Variants in GPD2 observed in about 807,000 individuals in gnomAD.
The protein encoded by GPD2 is glycerol-3-phosphate dehydrogenase, mitochondrial.
A neutral mutation model predicts 82.4 loss-of-function variants in GPD2; 54 were observed. The ratio of observed to expected loss-of-function variants is 0.66; its 90% CI spans 0.53 to 0.82. The LOEUF (loss-of-function observed/expected upper bound fraction) is 0.82. Among genes scored for constraint, GPD2 ranks in the 40% least tolerant of loss-of-function variants. GPD2 has a pLI of 0.00. For missense variants in GPD2, 748 were observed against 896.2 expected (o/e 0.83, Z 2.11); for synonymous variants, 288 against 306.1 (o/e 0.94, Z 0.62).
intron 3 of GPD2, among the ~76,000 whole-genome samples, chr2:156,509,765 C>CTTTTTTTTT (rs60361072): frequency 2.8e-3 from 326 of 117,352 alleles, no homozygotes; most frequent in Middle Eastern, 0.01. Flanking sequence ...ATATGTTCTT[C>CTTTTTTTTT]TTTTTTTTTT....
chr2:156,494,815 T>A (rs1281995923), intron 2 of GPD2, among the ~76,000 whole-genome samples: 1 of 152,200 alleles, frequency 6.6e-6, no homozygotes, highest in Admixed American at 6.5e-5. Flanking sequence ...TGCTGGCCAG[T>A]ACTGTTTGCT....
chr2:156,411,889 C>T, the GPD2 span, among the ~76,000 whole-genome samples: 1 of 152,018 alleles, frequency 6.6e-6, no homozygotes, highest in Non-Finnish European at 1.5e-5. Context: ...ATTCTTCCTA[C>T]ATAATCTTTC....
the GPD2 span, among the ~76,000 whole-genome samples, chr2:156,420,261 T>C: frequency 6.6e-6 from 1 of 152,120 alleles, no homozygotes; most frequent in Non-Finnish European, 1.5e-5. Flanking sequence ...AACCTCTGCC[T>C]CCTGGGTTCA....
At chr2:156,564,736 C>CT (rs762465570) in intron 9 of GPD2, among the ~76,000 whole-genome samples, 4 of 152,072 alleles carry the variant, frequency 2.6e-5, no homozygotes, top group Admixed American at 2.6e-4. Flanking sequence ...GCCATAAAGA[C>CT]TAATTCATAT....
At chr2:156,412,222 G>A in the GPD2 span, among the ~76,000 whole-genome samples, 1 of 152,112 alleles carries the variant, frequency 6.6e-6, no homozygotes, top group Non-Finnish European at 1.5e-5. Flanking sequence ...GATCATTTGA[G>A]GTCAGGAGTT....
At chr2:156,438,366 C>T (rs1682024254) in intron 1 of GPD2, among the ~76,000 whole-genome samples, 1 of 152,170 alleles carries the variant, frequency 6.6e-6, no homozygotes, top group African/African-American at 2.4e-5. Context: ...TAGCTTCCAT[C>T]CTATATTTTT....
chr2:156,552,725 G>A (rs528691237), intron 8 of GPD2, among the ~76,000 whole-genome samples: 177 of 151,984 alleles, frequency 1.2e-3, no homozygotes, highest in African/African-American at 4.2e-3. Flanking sequence ...TTAGTTTTCC[G>A]TTCATTAAAA....
intron 1 of GPD2, among the ~76,000 whole-genome samples, chr2:156,453,313 T>C (rs1682680041): frequency 6.6e-6 from 1 of 152,126 alleles, no homozygotes; most frequent in Non-Finnish European, 1.5e-5. Flanking sequence ...AATTCTCAGC[T>C]AGGCAGCAGG....
chr2:156,400,854 T>G, the GPD2 span, among the ~76,000 whole-genome samples: 1 of 152,174 alleles, frequency 6.6e-6, no homozygotes, highest in Non-Finnish European at 1.5e-5. Flanking sequence ...CAGCCGACGT[T>G]TGCTTTTTAT....
At chr2:156,428,050 A>G in the GPD2 span, among the ~76,000 whole-genome samples, 1 of 152,122 alleles carries the variant, frequency 6.6e-6, no homozygotes. Context: ...TAATCTCTCC[A>G]TTTCAGGATA....
At chr2:156,495,266 C>T (rs1573928986) in intron 2 of GPD2, among the ~76,000 whole-genome samples, 1 of 152,230 alleles carries the variant, frequency 6.6e-6, no homozygotes, top group South Asian at 2.1e-4. Context: ...GCAGATTCAC[C>T]TGAACGTGGG....
rs61067726 is a variant in GPD2 at position 156,541,824 on chromosome 2, G to GTTTTTTTTTTT, written c.662-7772_662-7762dup. Among the ~76,000 whole-genome samples the GTTTTTTTTTTT allele has an allele frequency of 2.4e-3, 193 of 81,424 alleles. 8 individuals carry two copies. The highest frequency in any genetic ancestry group is 4.5e-3 in the East Asian group (11 of 2,432). 53.4% of individuals were successfully genotyped at this position (81,424 alleles called of 152,430 possible). On this transcript the variant is annotated intron_variant, in intron 6 of 16. Coordinates refer to ENST00000438166, the MANE Select transcript of GPD2 (RefSeq NM_000408.5). The stretch of plus-strand genomic sequence containing the variant: ...TCCTTAAACGTATAAAATGCTGTTT[G>GTTTTTTTTTTT]TTTTTTTTTTTTTTTTTTTTTTGGC...
At chr2:156,412,488 C>T in the GPD2 span, among the ~76,000 whole-genome samples, 10 of 151,012 alleles carry the variant, frequency 6.6e-5, no homozygotes, top group Admixed American at 6.6e-4. Flanking sequence ...GGTTTCAATT[C>T]CATCTCCATC....
intron 1 of GPD2, among the ~76,000 whole-genome samples, chr2:156,466,613 G>A (rs991652805): frequency 5.3e-5 from 8 of 152,190 alleles, no homozygotes; most frequent in African/African-American, 1.9e-4. Flanking sequence ...GTGTATCCTT[G>A]TGTTCCTCTA....
chr2:156,553,450 TA>T (rs1456089951), intron 8 of GPD2, among the ~76,000 whole-genome samples: 13 of 152,042 alleles, frequency 8.6e-5, no homozygotes, highest in African/African-American at 3.1e-4. Context: ...ACTATGAAAA[TA>T]AAACATGATT....
intron 9 of GPD2, among the ~76,000 whole-genome samples, chr2:156,566,464 A>G (rs539323296): frequency 6.6e-6 from 1 of 152,138 alleles, no homozygotes; most frequent in Non-Finnish European, 1.5e-5. Flanking sequence ...TAGAAGTGCA[A>G]TTGTACAATA....
intron 1 of GPD2, among the ~76,000 whole-genome samples, chr2:156,439,793 G>A (rs981682911): frequency 7.9e-5 from 12 of 151,738 alleles, no homozygotes; most frequent in Non-Finnish European, 1.6e-4. Context: ...GTTGCAGTGA[G>A]TCAAGATTGT....
intron 1 of GPD2, among the ~76,000 whole-genome samples, chr2:156,464,535 A>G (rs917231592): frequency 6.6e-6 from 1 of 152,204 alleles, no homozygotes; most frequent in Non-Finnish European, 1.5e-5. Flanking sequence ...TCTGTTAAGG[A>G]AACAGAGTGA....
intron 1 of GPD2, among the ~76,000 whole-genome samples, chr2:156,456,786 G>A (rs1011545486): frequency 6.6e-6 from 1 of 151,606 alleles, no homozygotes; most frequent in African/African-American, 2.4e-5. Context: ...GAAAGGGGAG[G>A]GTGAAGGTGG....
Sources: allele counts gnomAD v4.1 joint callset (sites outside exome capture counted in the v4.1 genomes callset), GRCh38; gene constraint gnomAD v4.1.1; transcripts MANE v1.5; gene names NCBI Gene and HGNC (gene_info 2026-07-23, HGNC 2026-07-21).